Variants in IL18RAP observed in about 807,000 individuals in gnomAD.
IL18RAP encodes the protein interleukin 18 receptor accessory protein, also known as interleukin-18 receptor accessory protein.
IL18RAP carries 37 observed loss-of-function variants against 58.1 expected under a neutral mutation model. The ratio of observed to expected loss-of-function variants is 0.64; its 90% CI spans 0.49 to 0.84. The LOEUF (loss-of-function observed/expected upper bound fraction) is 0.84. Ranked by LOEUF, IL18RAP falls within the 40% of genes least tolerant of loss-of-function variation. The pLI is 0.00. For synonymous variants in IL18RAP, 268 were observed against 257.5 expected, an observed-to-expected ratio of 1.04 and a Z score of -0.39; for missense variants, 667 against 704.8, an observed-to-expected ratio of 0.95 and a Z score of 0.61.
At chr2:102,450,757 T>C in intron 8 of IL18RAP, 91 bp from the exon 9 acceptor site, 1 of 667,128 alleles carries the variant, frequency 1.5e-6, no homozygotes, top group South Asian at 3.8e-5. Context: ...TCTTATTCAT[T>C]TACCATATGA....
rs369615964 is a variant in IL18RAP, at chr2:102,437,245, C to T, written c.613C>T (p.Arg205Ter). 21 of 1,611,850 alleles carry T rather than the reference C, an allele frequency of 1.3e-5. No homozygotes were observed. Among genetic ancestry groups the T allele is most frequent in the Middle Eastern group, 1.6e-4 (1 of 6,080 alleles). The change falls in exon 4 of 10, where the codon CGA becomes TGA. Residue 205 changes from arginine to a stop codon, truncating the protein, a stop_gained. Transcript: ENST00000687160. LOFTEE classifies it high-confidence loss of function. ...GKLLSVERSN[R>*]IVVDEVYDYH... ...ACTCCTCTCTGTGGAAAGGAGCAAC[C>T]GAATCGTAGTGGATGAAGTTTATGA...
chr2:102,419,490 A>C (rs1215924130), upstream of IL18RAP: 1 of 152,332 alleles, frequency 6.6e-6, no homozygotes, highest in Non-Finnish European at 1.5e-5. Context: ...TTTCTCCAGC[A>C]CTTTCCTCTC....
chr2:102,428,109 A>G (rs1350101039), intron 3 of IL18RAP, among the ~76,000 whole-genome samples: 1 of 151,688 alleles, frequency 6.6e-6, no homozygotes, highest in African/African-American at 2.4e-5. Flanking sequence ...ATGGCTTAAC[A>G]ATATATTTTG....
chr2:102,422,180 G>A (rs1413902900), upstream of IL18RAP, among the ~76,000 whole-genome samples: 1 of 152,188 alleles, frequency 6.6e-6, no homozygotes, highest in South Asian at 2.1e-4. Context: ...GCCAAACCAA[G>A]ACTCTTTGGT....
At chr2:102,429,242 C>T (rs1325125305) in intron 3 of IL18RAP, among the ~76,000 whole-genome samples, 1 of 151,794 alleles carries the variant, frequency 6.6e-6, no homozygotes, top group Non-Finnish European at 1.5e-5. Flanking sequence ...CTGATTCAGT[C>T]TCCTTATTCA....
intron 3 of IL18RAP, among the ~76,000 whole-genome samples, chr2:102,427,623 T>C (rs1682038943): frequency 6.6e-6 from 1 of 152,148 alleles, no homozygotes; most frequent in African/African-American, 2.4e-5. Flanking sequence ...CATTAACTCC[T>C]TATCAGATAT....
At chr2:102,429,846 G>T (rs1573270995) in intron 3 of IL18RAP, among the ~76,000 whole-genome samples, 1 of 151,942 alleles carries the variant, frequency 6.6e-6, no homozygotes, top group East Asian at 1.9e-4. Context: ...GGAGCACTTT[G>T]TTTCATTTCT....
At chr2:102,426,686 T>A (rs1210560839) in intron 3 of IL18RAP, among the ~76,000 whole-genome samples, 1 of 152,202 alleles carries the variant, frequency 6.6e-6, no homozygotes, top group African/African-American at 2.4e-5. Context: ...TTTTGATATA[T>A]GTATACAATG....
intron 3 of IL18RAP, among the ~76,000 whole-genome samples, chr2:102,426,359 G>A (rs2104301400): frequency 6.6e-6 from 1 of 152,104 alleles, no homozygotes; most frequent in South Asian, 2.1e-4. Flanking sequence ...TAAATCCCTG[G>A]GCTTGGAGTC....
Position 102,424,321 on chromosome 2 carries a change from G to A in IL18RAP, c.486G>A (p.Lys162=), listed in dbSNP as rs1462763733. 6.2e-7 allele frequency: 1 copy of A among 1,614,056 alleles called. No homozygotes were observed. Among genetic ancestry groups the A allele is most frequent in the South Asian group, 1.1e-5 (1 of 91,086 alleles). ...CCTGTGAGTATTCCGCATCACATAA[G>A]CAAGACCTACTTCTTGGGAGCACTG... ...NASCEYSASH[K]QDLLLGSTGS... The change falls in exon 3 of 10, where the codon AAG becomes AAA. Residue 162 remains lysine (K), a synonymous_variant. Coordinates refer to ENST00000687160, the MANE Select transcript of IL18RAP (RefSeq NM_001393487.1).
chr2:102,446,895 C>A (rs1383834458), intron 7 of IL18RAP, among the ~76,000 whole-genome samples, 175 bp from the exon 8 acceptor site: 1 of 152,046 alleles, frequency 6.6e-6, no homozygotes, highest in Non-Finnish European at 1.5e-5. Context: ...AAGTAGTATT[C>A]CATGGTGTGA....
intron 1 of IL18RAP, 62 bp downstream of exon 1, chr2:102,423,409 T>A: frequency 7.7e-7 from 1 of 1,293,334 alleles, no homozygotes; most frequent in Non-Finnish European, 1.1e-6. Flanking sequence ...AAGTGATGGA[T>A]AACCTGATAT....
intron 3 of IL18RAP, among the ~76,000 whole-genome samples, chr2:102,436,865 T>C (rs1558640879): frequency 6.6e-6 from 1 of 151,480 alleles, no homozygotes; most frequent in Non-Finnish European, 1.5e-5. Flanking sequence ...AAAAATTCAT[T>C]TCAGTTTCAG....
chr2:102,443,473 C>G, intron 6 of IL18RAP, 150 bp downstream of exon 6: 1 of 797,782 alleles, frequency 1.3e-6, no homozygotes, highest in Non-Finnish European at 1.9e-6. Context: ...TGCAAACGGC[C>G]GTTGAATGAA....
upstream of IL18RAP, among the ~76,000 whole-genome samples, chr2:102,421,248 G>A (rs754948244): frequency 1.3e-5 from 2 of 149,200 alleles, no homozygotes; most frequent in Non-Finnish European, 1.5e-5. Context: ...TTTAAAATGA[G>A]TAGCAAGAGA....
chr2:102,431,593 C>G (rs892666628), intron 3 of IL18RAP, among the ~76,000 whole-genome samples: 3 of 151,766 alleles, frequency 2.0e-5, no homozygotes, highest in Admixed American at 6.6e-5. Context: ...CCTTTTCATT[C>G]TTTTTTCTTT....
rs1464343056 is a variant in IL18RAP, at chr2:102,452,412, G to A, written c.*231G>A. 2 of 470,722 alleles carry A rather than the reference G, an allele frequency of 4.2e-6. No homozygotes were observed. Among genetic ancestry groups the A allele is most frequent in the Non-Finnish European group, 7.5e-6 (2 of 267,544 alleles). 29.2% of individuals were successfully genotyped at this position (470,722 alleles called of 1,614,324 possible). A position where few individuals can be genotyped will look rare whatever the true frequency, so the allele number is the denominator to read the frequency against. ...ATTCTCTAGACCTTGGGTACTTTCA[G>A]TACACAACACCCCTAAGATTTCCCA... On this transcript the variant is annotated 3_prime_UTR_variant, in exon 10 of 10. Transcript: ENST00000687160.
At chr2:102,442,179 A>C (rs1188130289) in intron 5 of IL18RAP, among the ~76,000 whole-genome samples, 1 of 152,142 alleles carries the variant, frequency 6.6e-6, no homozygotes, top group Non-Finnish European at 1.5e-5. Context: ...GTTGAGGAGA[A>C]ATTGACTTCC....
chr2:102,426,447 T>G (rs989437811), intron 3 of IL18RAP, among the ~76,000 whole-genome samples: 5 of 152,252 alleles, frequency 3.3e-5, no homozygotes, highest in African/African-American at 1.2e-4. Flanking sequence ...TTCAACTTCT[T>G]TATTTTAAAA....
Sources: gnomAD v4.1 joint callset for allele counts (sites outside exome capture counted in the v4.1 genomes callset) on GRCh38, gnomAD v4.1.1 for gene constraint, MANE v1.5 for transcripts, NCBI Gene and HGNC (gene_info 2026-07-23, HGNC 2026-07-21) for gene names.